Variants in GALNT18 observed in about 807,000 individuals in gnomAD.
GALNT18 encodes polypeptide N-acetylgalactosaminyltransferase 18, also known as GalNAc-transferase 18.
A neutral mutation model predicts 69.5 loss-of-function variants in GALNT18; 44 were observed. The ratio of observed to expected loss-of-function variants is 0.63; its 90% confidence interval spans 0.50 to 0.81. The LOEUF (loss-of-function observed/expected upper bound fraction) is 0.81. Among genes scored for constraint, GALNT18 ranks in the 40% least tolerant of loss-of-function variants. The probability of loss-of-function intolerance (pLI) is 0.00; values close to 1 mark genes in which losing one functional copy is unlikely to be tolerated. For missense variants in GALNT18, 715 were observed against 810.0 expected, an observed-to-expected ratio of 0.88 and a Z score of 1.42; for synonymous variants, 364 against 318.2, an observed-to-expected ratio of 1.14 and a Z score of -1.53.
In GALNT18 at chr11:11,314,128, T is replaced by C. The variant is rs1849713276; in HGVS notation, c.1512+12958A>G. Among the ~76,000 whole-genome samples, 1 of 152,274 alleles carries C rather than the reference T, an allele frequency of 6.6e-6. No individual in the cohort carries two copies. Among genetic ancestry groups the C allele is most frequent in the African/African-American group, 2.4e-5 (1 of 41,560 alleles). On this transcript the variant is annotated intron_variant, in intron 9 of 10. Coordinates refer to ENST00000227756, the MANE Select transcript of GALNT18 (RefSeq NM_198516.3). This position sits in a 1 kb window ranked among gnomAD's most constrained non-coding sequence, Gnocchi z 5.2. Reference sequence around the variant, plus strand: ...TCCTCTGTCACTGGGTTTGGTGACCTGTCCCCAAGGCCAGAGAGGCCTGGG... The same window carrying C: ...TCCTCTGTCACTGGGTTTGGTGACCCGTCCCCAAGGCCAGAGAGGCCTGGG...
In GALNT18 at chr11:11,582,723, C is replaced by G. The variant is rs1859115498; in HGVS notation, c.235+38636G>C. Among the ~76,000 whole-genome samples the G allele has an allele frequency of 1.3e-5, 2 of 152,244 alleles. No individual in the cohort carries two copies. Among genetic ancestry groups the G allele is most frequent in the Non-Finnish European group, 2.9e-5 (2 of 68,044 alleles). ...ATAACCCAGTGGAAACTAACCAACA[C>G]AGCCTTTCAGCCCTCATCAAAGGTG... On this transcript the variant is annotated intron_variant, in intron 1 of 10. Coordinates refer to ENST00000227756, the MANE Select transcript of GALNT18 (RefSeq NM_198516.3). This position sits in a 1 kb window ranked among gnomAD's most constrained non-coding sequence, Gnocchi z 5.0.
rs192476477 is a variant in GALNT18, at chr11:11,276,159, C to T, written c.1678-4869G>A. ...TTTCATGATATTGATTCTTCCCACC[C>T]ATGAGCGTGGAATGTTTTTCCATTT... On this transcript the variant is annotated intron_variant, in intron 10 of 10. Transcript: ENST00000227756. 2.4e-3 allele frequency among the ~76,000 whole-genome samples: 365 copies of T among 152,302 alleles called. 4 individuals carry two copies. Among genetic ancestry groups the T allele is most frequent in the African/African-American group, 8.1e-3 (337 of 41,550 alleles).
chr11:11,378,311 G>A (rs893889866), intron 4 of GALNT18, among the ~76,000 whole-genome samples: 1 of 152,186 alleles, frequency 6.6e-6, no homozygotes, highest in African/African-American at 2.4e-5. Flanking sequence ...AGACCCCAGT[G>A]ACAACAGGCA....
At chr11:11,423,927 C>T (rs549504339) in intron 3 of GALNT18, among the ~76,000 whole-genome samples, 2 of 152,198 alleles carry the variant, frequency 1.3e-5, no homozygotes, top group African/African-American at 2.4e-5. Flanking sequence ...ACATACTAAG[C>T]GCTCAATGAG....
intron 1 of GALNT18, among the ~76,000 whole-genome samples, chr11:11,510,705 C>T (rs1408386781): frequency 6.6e-6 from 1 of 152,212 alleles, no homozygotes; most frequent in African/African-American, 2.4e-5. Flanking sequence ...TTCACACCAC[C>T]TTGTGTGACC....
chr11:11,477,658 G>A (rs2133863861), intron 1 of GALNT18, among the ~76,000 whole-genome samples: 1 of 152,328 alleles, frequency 6.6e-6, no homozygotes, highest in African/African-American at 2.4e-5. Flanking sequence ...AAGTTTTGCT[G>A]ATTAAATAGC....
rs1590123373 is a variant in GALNT18 at position 11,590,547 on chromosome 11, T to C, written c.235+30812A>G. 6.6e-6 allele frequency among the ~76,000 whole-genome samples: 1 copy of C among 152,250 alleles called. No homozygotes were observed. The highest frequency in any genetic ancestry group is 1.5e-5 in the Non-Finnish European group (1 of 68,050). On this transcript the variant is annotated intron_variant, in intron 1 of 10. Transcript: ENST00000227756. The surrounding 1 kb of genome is among the most constrained non-coding windows in gnomAD (Gnocchi z 4.4). The stretch of plus-strand genomic sequence containing the variant: ...CTGCTGCATCAGTGCAACAGGGATA[T>C]ACTAGTGAGATATCACTCCCAACTT...
chr11:11,332,568 C>T lies in GALNT18; in HGVS notation c.1416+126G>A, dbSNP rs929636492. The T allele has an allele frequency of 4.9e-5, 53 of 1,075,348 alleles. No homozygotes were observed. Among genetic ancestry groups the T allele is most frequent in the Middle Eastern group, 2.6e-4 (1 of 3,856 alleles). The allele number at this position is 1,075,348 out of a possible 1,614,324, so 66.6% of individuals were successfully genotyped here. ...TCTTGCAGGTGCAGAACCCAGCGCC[C>T]GGTCCCCAGGCCTACTGCAGTTCTT... On this transcript the variant is annotated intron_variant, in intron 8 of 10. Transcript: ENST00000227756. This position sits in a 1 kb window ranked among gnomAD's most constrained non-coding sequence, Gnocchi z 4.3.
rs75849091 is a variant in GALNT18, at chr11:11,500,833, G to C, written c.236-51897C>G. Among the ~76,000 whole-genome samples, 1,353 of 152,280 alleles carry C rather than the reference G, an allele frequency of 8.9e-3. 33 individuals carry two copies. In the East Asian group the frequency reaches 0.098, roughly 11 times the overall value. On this transcript the variant is annotated intron_variant, in intron 1 of 10. Transcript: ENST00000227756. The surrounding 1 kb of genome is among the most constrained non-coding windows in gnomAD (Gnocchi z 5.0). ...GTAAAAAGGCCGGGCACAGCACCAG[G>C]CTCTCCCCAAACCTGGGAGTTCCTT...
At chr11:11,328,060 C>A (rs544427100) in intron 8 of GALNT18, among the ~76,000 whole-genome samples, 2 of 152,092 alleles carry the variant, frequency 1.3e-5, no homozygotes, top group Non-Finnish European at 2.9e-5. Flanking sequence ...AATTGTAAGG[C>A]TGTTTAAACT....
chr11:11,346,799 G>A (rs139942758), intron 6 of GALNT18, among the ~76,000 whole-genome samples: 4 of 152,196 alleles, frequency 2.6e-5, no homozygotes, highest in African/African-American at 9.6e-5. Flanking sequence ...TACTGTTATC[G>A]CTTCTGAAGA....
At chr11:11,388,680 C>G (rs1460202123) in intron 3 of GALNT18, among the ~76,000 whole-genome samples, 20 of 152,086 alleles carry the variant, frequency 1.3e-4, no homozygotes. Flanking sequence ...AGCCCCAGCG[C>G]TGGTCTAACG....
At position 11,337,738 on chromosome 11, in the gene GALNT18, AC is replaced by A. The variant is rs1850137305; in HGVS notation, c.1278+3080del. ...GGAATTCCAAGCAGGATGAACAAGC[AC>A]CGAGGTGTGAGAAACAGCATGGCAT... On this transcript the variant is annotated intron_variant, in intron 7 of 10. Coordinates refer to ENST00000227756, the MANE Select transcript of GALNT18 (RefSeq NM_198516.3). This position sits in a 1 kb window ranked among gnomAD's most constrained non-coding sequence, Gnocchi z 4.9. Among the ~76,000 whole-genome samples, 1 of 152,066 alleles carries A rather than the reference AC, an allele frequency of 6.6e-6. No homozygotes were observed. The highest frequency in any genetic ancestry group is 2.4e-5 in the African/African-American group (1 of 41,420).
At chr11:11,319,122 A>T (rs1327555924) in intron 9 of GALNT18, among the ~76,000 whole-genome samples, 1 of 141,378 alleles carries the variant, frequency 7.1e-6, no homozygotes, top group African/African-American at 2.9e-5. Flanking sequence ...ATGCCTACAG[A>T]TACTCAGTTC....
At chr11:11,507,616 T>C (rs1038723867) in intron 1 of GALNT18, among the ~76,000 whole-genome samples, 26 of 152,222 alleles carry the variant, frequency 1.7e-4, no homozygotes, top group African/African-American at 6.3e-4. Context: ...ACAAACCTTA[T>C]AAAACATATA....
At chr11:11,273,361 CAAA>C (rs34932447) in intron 10 of GALNT18, among the ~76,000 whole-genome samples, 1 of 152,064 alleles carries the variant, frequency 6.6e-6, no homozygotes, top group African/African-American at 2.4e-5. Context: ...AGCAAGAAGG[CAAA>C]AAATCCAATT....
chr11:11,448,927 G>T lies in GALNT18; in HGVS notation c.245C>A (p.Ala82Asp). The T allele has an allele frequency of 6.3e-7, 1 of 1,586,624 alleles. No individual in the cohort carries two copies. The change falls in exon 2 of 11, where the codon GCC becomes GAC. Residue 82 changes from alanine (A) to aspartate (D), a missense_variant. Coordinates refer to ENST00000227756, the MANE Select transcript of GALNT18 (RefSeq NM_198516.3). ...CTCGGCCTCTGCCTCCTCAGGCTTG[G>T]CAGGAGCCTCTGGAGAAAGAAGGAA... ...VIKQHIQEAP[A>D]KPEEAEAEPF...
chr11:11,487,036 C>T (rs2133878814), intron 1 of GALNT18, among the ~76,000 whole-genome samples: 1 of 152,336 alleles, frequency 6.6e-6, no homozygotes, highest in Non-Finnish European at 1.5e-5. Flanking sequence ...AAATATGCCC[C>T]CAAACTCTGG....
chr11:11,458,750 G>A (rs373139472), intron 1 of GALNT18, among the ~76,000 whole-genome samples: 1 of 152,250 alleles, frequency 6.6e-6, no homozygotes, highest in Non-Finnish European at 1.5e-5. Context: ...GCCATCTGCT[G>A]TGTCGCCTTC....
Sources: allele counts gnomAD v4.1 joint callset (sites outside exome capture counted in the v4.1 genomes callset), GRCh38; gene constraint gnomAD v4.1.1; non-coding constraint Gnocchi (gnomAD v3.1); transcripts MANE v1.5; gene names NCBI Gene and HGNC (gene_info 2026-07-23, HGNC 2026-07-21).